The following CLASP1 variants were observed in gnomAD, a reference collection of about 807,000 sequenced individuals.
CLASP1 encodes CLIP-associating protein 1.
In CLASP1, 38 loss-of-function variants were observed where a neutral mutation model predicts 192.3. The ratio of observed to expected loss-of-function variants is 0.20; its 90% CI spans 0.15 to 0.26. The LOEUF (loss-of-function observed/expected upper bound fraction) is 0.26. CLASP1 is among the 10% of genes least tolerant of loss of function. CLASP1 has a pLI of 1.00. For synonymous variants in CLASP1, 691 were observed against 712.8 expected, an observed-to-expected ratio of 0.97 and a Z score of 0.49; for missense variants, 1,433 against 1,932.5, an observed-to-expected ratio of 0.74 and a Z score of 4.85.
chr2:121,552,102 A>G, intron 2 of CLASP1, among the ~76,000 whole-genome samples: 1 of 152,224 alleles, frequency 6.6e-6, no homozygotes, highest in East Asian at 1.9e-4. Context: ...AAAACTTCCT[A>G]TTCAATAAAT....
Position 121,640,189 on chromosome 2 carries a change from G to A in CLASP1, c.-286+9183C>T, listed in dbSNP as rs551065535. ...GAACAATGAGAACACTTGGACACAG[G>A]GTGGGGAACGTCACACACTAGGGTC... On this transcript the variant is annotated intron_variant, in intron 1 of 39. Transcript: ENST00000263710. Among the ~76,000 whole-genome samples, 40 of 151,860 alleles carry A rather than the reference G, an allele frequency of 2.6e-4. 1 individual carries two copies. The highest frequency in any genetic ancestry group is 9.4e-4 in the African/African-American group (39 of 41,340).
chr2:121,360,271 C>T (rs1008212478), intron 37 of CLASP1, among the ~76,000 whole-genome samples: 2 of 152,108 alleles, frequency 1.3e-5, no homozygotes, highest in East Asian at 1.9e-4. Flanking sequence ...TTATTGAGAA[C>T]GAAGCTCCAA....
At chr2:121,490,656 A>T (rs946899124) in intron 8 of CLASP1, among the ~76,000 whole-genome samples, 2 of 152,262 alleles carry the variant, frequency 1.3e-5, no homozygotes, top group Non-Finnish European at 2.9e-5. Context: ...CCACACAGAA[A>T]ATAAAATAAG....
At chr2:121,633,296 C>T (rs1044279458) in intron 1 of CLASP1, among the ~76,000 whole-genome samples, 1 of 151,958 alleles carries the variant, frequency 6.6e-6, no homozygotes, top group Non-Finnish European at 1.5e-5. Context: ...ACAAGTATAT[C>T]CCCCAGATAC....
At position 121,402,860 on chromosome 2, in the gene CLASP1, T is replaced by C. The variant is rs558225570; in HGVS notation, c.2734-990A>G. On this transcript the variant is annotated intron_variant, in intron 26 of 39. Coordinates refer to ENST00000263710, the Ensembl canonical transcript of CLASP1. ...AGCTCAGTCTTTCCTGAATTTTTAT[T>C]GAGACAGAGTCTCACTCTGTTGTTC... Among the ~76,000 whole-genome samples, 54 of 152,344 alleles carry C rather than the reference T, an allele frequency of 3.5e-4. 1 individual carries two copies. Among genetic ancestry groups the C allele is most frequent in the African/African-American group, 1.1e-3 (45 of 41,582 alleles).
intron 19 of CLASP1, among the ~76,000 whole-genome samples, chr2:121,442,090 A>T (rs2083444027): frequency 1.3e-5 from 2 of 152,222 alleles, no homozygotes; most frequent in Non-Finnish European, 2.9e-5. Context: ...AAAGCACTGT[A>T]ACTTTTCATT....
chr2:121,592,503 T>C (rs1269660525), intron 2 of CLASP1, among the ~76,000 whole-genome samples: 2 of 152,218 alleles, frequency 1.3e-5, no homozygotes, highest in Non-Finnish European at 2.9e-5. Flanking sequence ...TTGATAGAAC[T>C]TCATTCTTTC....
At chr2:121,531,083 C>T (rs532914111) in intron 2 of CLASP1, 5 of 677,612 alleles carry the variant, frequency 7.4e-6, no homozygotes, top group South Asian at 1.5e-5. Context: ...TGTGGTTAAA[C>T]CAGTAGAGGG....
chr2:121,369,238 G>A (rs1405161285), intron 34 of CLASP1, among the ~76,000 whole-genome samples: 1 of 152,116 alleles, frequency 6.6e-6, no homozygotes, highest in Non-Finnish European at 1.5e-5. Context: ...TGAATCTAGT[G>A]GAGGTGCTGG....
intron 25 of CLASP1, among the ~76,000 whole-genome samples, chr2:121,407,085 G>A (rs2077027907): frequency 1.3e-5 from 2 of 151,956 alleles, no homozygotes; most frequent in South Asian, 4.1e-4. Context: ...GCGTGGTGGT[G>A]TACCCCCGTA....
At chr2:121,636,464 C>G (rs10210074) in intron 1 of CLASP1, among the ~76,000 whole-genome samples, 36,021 of 150,746 alleles carry the variant, frequency 0.24, 6,542 homozygotes, top group African/African-American at 0.51. Context: ...AGGAGTTCGA[C>G]ACCAGACTGA....
chr2:121,460,940 A>C (rs1232999935), intron 11 of CLASP1, among the ~76,000 whole-genome samples, 161 bp downstream of exon 11: 5 of 152,330 alleles, frequency 3.3e-5, no homozygotes, highest in Non-Finnish European at 7.4e-5. Context: ...TAAAAATAAA[A>C]GGAGACACTC....
At chr2:121,530,591 T>C (rs757479606) in intron 2 of CLASP1, 1 of 527,618 alleles carries the variant, frequency 1.9e-6, no homozygotes, top group South Asian at 2.8e-5. Context: ...TAGCTGCGGG[T>C]GGAGTTCAAG....
intron 2 of CLASP1, among the ~76,000 whole-genome samples, chr2:121,533,549 T>G (rs1413146483): frequency 6.6e-6 from 1 of 152,192 alleles, no homozygotes; most frequent in Non-Finnish European, 1.5e-5. Flanking sequence ...TCTTCAGCCC[T>G]TAGGTTTATA....
intron 1 of CLASP1, among the ~76,000 whole-genome samples, chr2:121,643,543 G>C (rs914838468): frequency 2.6e-5 from 4 of 152,138 alleles, no homozygotes; most frequent in Non-Finnish European, 5.9e-5. Context: ...GACTTGGAAG[G>C]GAACAAAGAT....
At chr2:121,565,200 G>A (rs987923253) in intron 2 of CLASP1, among the ~76,000 whole-genome samples, 14 of 152,184 alleles carry the variant, frequency 9.2e-5, no homozygotes, top group Non-Finnish European at 5.9e-5. Context: ...GGCATGAACA[G>A]GGAATGTCCC....
intron 1 of CLASP1, among the ~76,000 whole-genome samples, chr2:121,648,153 T>C (rs2073516606): frequency 6.6e-6 from 1 of 152,222 alleles, no homozygotes; most frequent in Non-Finnish European, 1.5e-5. Flanking sequence ...ACGGAGCCAA[T>C]ATCCAGGATC....
chr2:121,641,176 C>T (rs186703464), intron 1 of CLASP1, among the ~76,000 whole-genome samples: 2 of 152,170 alleles, frequency 1.3e-5, no homozygotes, highest in Non-Finnish European at 2.9e-5. Context: ...TTTCTCTATA[C>T]AACAGGCCTC....
At chr2:121,582,304 GGA>G (rs536743172) in intron 2 of CLASP1, among the ~76,000 whole-genome samples, 1 of 144,486 alleles carries the variant, frequency 6.9e-6, no homozygotes, top group Admixed American at 7.0e-5. Context: ...AAAGAGAAAG[GGA>G]GAGAGAGAGA....
Sources: allele counts gnomAD v4.1 joint callset (sites outside exome capture counted in the v4.1 genomes callset), GRCh38; gene constraint gnomAD v4.1.1; transcripts MANE v1.5; gene names NCBI Gene and HGNC (gene_info 2026-07-23, HGNC 2026-07-21).